Variants in AUTS2 observed in about 807,000 individuals in gnomAD.
AUTS2 encodes autism susceptibility gene 2 protein.
A neutral mutation model predicts 112.4 loss-of-function variants in AUTS2; 17 were observed. That is an observed-to-expected ratio of 0.15 (90% CI 0.10 to 0.23). AUTS2 has a LOEUF of 0.23. Ranked by LOEUF, AUTS2 falls within the 10% of genes least tolerant of loss-of-function variation. AUTS2 has a pLI of 1.00. For synonymous variants in AUTS2, 751 were observed against 702.7 expected (o/e 1.07, Z -1.09); for missense variants, 1,510 against 1,701.6 (o/e 0.89, Z 1.98).
chr7:70,384,963 A>G (rs910100181), intron 4 of AUTS2, among the ~76,000 whole-genome samples: 1 of 152,156 alleles, frequency 6.6e-6, no homozygotes, highest in Non-Finnish European at 1.5e-5. Context: ...TTGGAGATAT[A>G]GTGGGTAAAG....
intron 4 of AUTS2, among the ~76,000 whole-genome samples, chr7:70,176,821 G>A (rs905908596): frequency 1.3e-5 from 2 of 152,164 alleles, no homozygotes; most frequent in African/African-American, 4.8e-5. Flanking sequence ...TCATACTGGA[G>A]TGCTTTTCTC....
intron 4 of AUTS2, among the ~76,000 whole-genome samples, chr7:70,392,711 T>C (rs1354799285): frequency 6.6e-6 from 1 of 152,244 alleles, no homozygotes; most frequent in Non-Finnish European, 1.5e-5. Flanking sequence ...GCTTGCTAAC[T>C]ATAGCAGGTC....
At chr7:69,766,964 T>C (rs185162953) in intron 1 of AUTS2, among the ~76,000 whole-genome samples, 8 of 152,338 alleles carry the variant, frequency 5.3e-5, no homozygotes, top group Admixed American at 2.0e-4. Context: ...ACTGGAAAAG[T>C]GTGTGAAGCA....
At chr7:69,676,500 C>T (rs1796570290) in intron 1 of AUTS2, among the ~76,000 whole-genome samples, 1 of 152,196 alleles carries the variant, frequency 6.6e-6, no homozygotes, top group Admixed American at 6.5e-5. Context: ...CTTTTCAGGT[C>T]TTGGTCTGGG....
chr7:69,789,166 CAG>C (rs1789506992), intron 1 of AUTS2, among the ~76,000 whole-genome samples: 1 of 152,104 alleles, frequency 6.6e-6, no homozygotes, highest in African/African-American at 2.4e-5. Context: ...GCCACTTTGA[CAG>C]AGTGCAGCTA....
At position 70,088,163 on chromosome 7, in the gene AUTS2, G is replaced by A. The variant is rs143196364; in HGVS notation, c.523-29969G>A. On this transcript the variant is annotated intron_variant, in intron 2 of 18. Transcript: ENST00000342771. ...TTTTGAGATGGAGTCTTGCTCTGTC[G>A]CCCAGGCTGGAGTGCAGTGGCGTGA... Among the ~76,000 whole-genome samples the A allele has an allele frequency of 5.2e-3, 794 of 151,574 alleles. 8 individuals carry two copies. Among genetic ancestry groups the A allele is most frequent in the African/African-American group, 0.018 (757 of 41,286 alleles).
At chr7:70,680,083 A>G (rs1201109432) in intron 5 of AUTS2, among the ~76,000 whole-genome samples, 1 of 152,212 alleles carries the variant, frequency 6.6e-6, no homozygotes, top group Non-Finnish European at 1.5e-5. Flanking sequence ...CTGACATTTC[A>G]TTGGCTTATC....
At chr7:70,601,533 G>A (rs909810305) in intron 5 of AUTS2, among the ~76,000 whole-genome samples, 3 of 152,328 alleles carry the variant, frequency 2.0e-5, no homozygotes, top group Admixed American at 1.3e-4. Context: ...GCCCACTGTC[G>A]AGGGTTAGCA....
chr7:70,180,903 T>A (rs1809262216), intron 4 of AUTS2, among the ~76,000 whole-genome samples: 1 of 152,176 alleles, frequency 6.6e-6, no homozygotes, highest in South Asian at 2.1e-4. Flanking sequence ...TATTATTAAA[T>A]AAAGCTAGGA....
At chr7:70,625,179 TGTA>T (rs750213511) in intron 5 of AUTS2, among the ~76,000 whole-genome samples, 35 of 152,306 alleles carry the variant, frequency 2.3e-4, no homozygotes, top group Middle Eastern at 3.4e-3. Context: ...GAGATTCTCT[TGTA>T]GTACATTTTA....
intron 2 of AUTS2, among the ~76,000 whole-genome samples, chr7:70,066,354 G>A (rs551026074): frequency 9.2e-5 from 14 of 152,106 alleles, no homozygotes; most frequent in African/African-American, 2.9e-4. Context: ...GGAGTTGAAT[G>A]GTCCTTTATT....
chr7:70,463,499 A>G (rs992925151), intron 5 of AUTS2, among the ~76,000 whole-genome samples: 3 of 152,208 alleles, frequency 2.0e-5, no homozygotes, highest in African/African-American at 7.2e-5. Flanking sequence ...AGCACATTCC[A>G]GGGAGTTGAT....
Position 69,796,455 on chromosome 7 carries a change from C to T in AUTS2, c.310-102831C>T, listed in dbSNP as rs564826565. The stretch of plus-strand genomic sequence containing the variant: ...GGAGGCTCATTTGAGCTCAGGAGTT[C>T]GAGGCTGCAGTGAGCCATGATTGTG... On this transcript the variant is annotated intron_variant, in intron 1 of 18. Transcript: ENST00000342771. 7.3e-5 allele frequency among the ~76,000 whole-genome samples: 11 copies of T among 150,862 alleles called. No individual in the cohort carries two copies. In the South Asian group the frequency reaches 2.1e-3, roughly 29 times the overall value.
intron 5 of AUTS2, among the ~76,000 whole-genome samples, chr7:70,617,666 G>GA (rs71531712): frequency 5.0e-4 from 75 of 148,664 alleles, no homozygotes; most frequent in Admixed American, 1.9e-3. Flanking sequence ...CTGTCTCAGA[G>GA]AAAAAAAAAA....
intron 4 of AUTS2, among the ~76,000 whole-genome samples, chr7:70,207,806 G>A (rs1346462753): frequency 1.3e-5 from 2 of 152,020 alleles, no homozygotes; most frequent in Non-Finnish European, 2.9e-5. Context: ...GAGCTCAAGG[G>A]TTTGAGACCA....
intron 4 of AUTS2, among the ~76,000 whole-genome samples, chr7:70,204,756 A>G (rs911795497): frequency 6.6e-6 from 1 of 152,122 alleles, no homozygotes; most frequent in African/African-American, 2.4e-5. Context: ...TGTTGAACTG[A>G]TATATGAAAT....
chr7:70,588,310 C>A (rs2129528060), intron 5 of AUTS2, among the ~76,000 whole-genome samples: 1 of 152,294 alleles, frequency 6.6e-6, no homozygotes, highest in African/African-American at 2.4e-5. Flanking sequence ...TCAAGAGAGA[C>A]CTGGACAAAA....
At chr7:70,170,447 G>T (rs1217959616) in intron 4 of AUTS2, among the ~76,000 whole-genome samples, 1 of 151,894 alleles carries the variant, frequency 6.6e-6, no homozygotes, top group African/African-American at 2.4e-5. Flanking sequence ...ACTGCGCCTA[G>T]CCTAAATATA....
chr7:70,447,825 T>C (rs1230765717), intron 5 of AUTS2, among the ~76,000 whole-genome samples: 5 of 152,244 alleles, frequency 3.3e-5, no homozygotes, highest in African/African-American at 4.8e-5. Flanking sequence ...AATTAATTAA[T>C]AAGTCCCATT....
Sources: gnomAD v4.1 joint callset for allele counts (sites outside exome capture counted in the v4.1 genomes callset) on GRCh38, gnomAD v4.1.1 for gene constraint, MANE v1.5 for transcripts, NCBI Gene and HGNC (gene_info 2026-07-23, HGNC 2026-07-21) for gene names.